PTPRQ: variants seen among roughly 807,000 people sequenced by gnomAD.
The protein encoded by PTPRQ is protein tyrosine phosphatase receptor type Q.
In PTPRQ, 199 loss-of-function variants were observed where a neutral mutation model predicts 246.0. That is an observed-to-expected ratio of 0.81 (90% CI 0.72 to 0.91). The LOEUF (loss-of-function observed/expected upper bound fraction) is 0.91, where lower values mean the gene tolerates loss of function less well. Ranked by LOEUF, PTPRQ falls within the 40% of genes least tolerant of loss-of-function variation. The pLI, the probability that PTPRQ is intolerant of heterozygous loss-of-function variation, is 0.00. For missense variants in PTPRQ, 2,624 were observed against 2,528.4 expected (o/e 1.04, Z -0.81); for synonymous variants, 869 against 853.2 (o/e 1.02, Z -0.32).
intron 9 of PTPRQ, among the ~76,000 whole-genome samples, chr12:80,486,831 C>T (rs1437005941): frequency 1.3e-5 from 2 of 152,130 alleles, no homozygotes; most frequent in Non-Finnish European, 2.9e-5. Flanking sequence ...ATATTTTTAA[C>T]CACCCTTGTG....
At position 80,588,141 on chromosome 12, in the gene PTPRQ, C is replaced by T; in HGVS notation, c.4298C>T (p.Pro1433Leu). The change falls in exon 26 of 45, where the codon CCC becomes CTC. Residue 1433 changes from proline to leucine, a missense_variant. Pro to Leu is a moderately conservative substitution (Grantham distance 98). Transcript: ENST00000644991. ...CTTTAATTTTTAGTTCCCAGTGTTCCCACAAATATTGCTTTTTCTGATGTT... is the reference window on the plus strand; with the variant it reads ...CTTTAATTTTTAGTTCCCAGTGTTCTCACAAATATTGCTTTTTCTGATGTT... ...STLPETVPSVPTNIAFSDVQS... is the reference protein window; with the variant it reads ...STLPETVPSVLTNIAFSDVQS... 1.3e-6 allele frequency: 2 copies of T among 1,524,746 alleles called. No homozygotes were observed. Among genetic ancestry groups the T allele is most frequent in the South Asian group, 1.3e-5 (1 of 79,408 alleles). 94.5% of individuals were successfully genotyped at this position (1,524,746 alleles called of 1,614,324 possible).
intron 5 of PTPRQ, 46 bp downstream of exon 5, chr12:80,459,529 A>T (rs146431508): frequency 4.9e-5 from 18 of 370,444 alleles, no homozygotes. Context: ...ATCTTAGATA[A>T]ATTTAATTTT....
chr12:80,474,031 T>A (rs959493992), intron 8 of PTPRQ, among the ~76,000 whole-genome samples: 1 of 152,226 alleles, frequency 6.6e-6, no homozygotes, highest in Admixed American at 6.5e-5. Context: ...TTGGGATAGT[T>A]CAGCCACAGG....
At chr12:80,618,360 TCACACACACA>T (rs3071377) in intron 30 of PTPRQ, among the ~76,000 whole-genome samples, 21 of 125,636 alleles carry the variant, frequency 1.7e-4, no homozygotes, top group East Asian at 7.6e-4. Context: ...AGCACTACAT[TCACACACACA>T]CACACACACA....
rs1422257114 is a variant in PTPRQ, at chr12:80,620,159, C to G, written c.5395C>G (p.His1799Asp). ...QVLVTETGAQ[H>D]DGNVTKWYDA... ...CTCTTTGTTTCTGAAAACAGCTCAG[C>G]ATGATGGAAATGTAACAAAGTGGTA... Residue 1799 changes from histidine (H) to aspartate (D), a missense_variant, in exon 32 of 45, where the codon CAT becomes GAT. Physicochemically the swap from His to Asp is moderately conservative, Grantham distance 81. Coordinates refer to ENST00000644991, the MANE Select transcript of PTPRQ (RefSeq NM_001145026.2). The G allele has an allele frequency of 4.5e-6, 7 of 1,543,648 alleles. No individual in the cohort carries two copies. The highest frequency in any genetic ancestry group is 5.2e-6 in the Non-Finnish European group (6 of 1,143,182).
chr12:80,511,617 G>A (rs1895130747), intron 17 of PTPRQ, among the ~76,000 whole-genome samples: 1 of 152,164 alleles, frequency 6.6e-6, no homozygotes, highest in African/African-American at 2.4e-5. Flanking sequence ...TTGATGGGAT[G>A]CTTCAGGAAG....
chr12:80,616,207 C>T lies in PTPRQ; in HGVS notation c.5171C>T (p.Ala1724Val), dbSNP rs778313896. The T allele has an allele frequency of 6.8e-6, 10 of 1,478,684 alleles. No individual in the cohort carries two copies. The South Asian group carries it at 7.0e-5, about 10-fold the overall frequency. 91.6% of individuals were successfully genotyped at this position (1,478,684 alleles called of 1,614,324 possible). Residue 1724 changes from alanine to valine, a missense_variant, in exon 30 of 45, where the codon GCA (alanine) becomes GTA (valine). Transcript: ENST00000644991. ...AATATTTGTTTGTTTTAGGTTTACGCAGTCAATAGTGCTGGTGCAGGTCCA... is the reference window on the plus strand; with the variant it reads ...AATATTTGTTTGTTTTAGGTTTACGTAGTCAATAGTGCTGGTGCAGGTCCA... ...GGHTYNISVYAVNSAGAGPKV... is the reference protein window; with the variant it reads ...GGHTYNISVYVVNSAGAGPKV...
chr12:80,498,641 A>G (rs1187095522), intron 14 of PTPRQ, among the ~76,000 whole-genome samples: 1 of 152,134 alleles, frequency 6.6e-6, no homozygotes, highest in Non-Finnish European at 1.5e-5. Context: ...CTGGTAAATT[A>G]TAAACTATAT....
chr12:80,454,528 A>G (rs1892905468), intron 3 of PTPRQ: 1 of 702,328 alleles, frequency 1.4e-6, no homozygotes, highest in South Asian at 1.5e-5. Flanking sequence ...GTGAGAGTAG[A>G]CATCCTACTT....
At chr12:80,487,147 A>C (rs1894303246) in intron 9 of PTPRQ, among the ~76,000 whole-genome samples, 1 of 151,494 alleles carries the variant, frequency 6.6e-6, no homozygotes, top group Admixed American at 6.6e-5. Context: ...CTTCTCTCTG[A>C]CGCTCTGGAT....
At chr12:80,505,877 T>C (rs1032137607) in intron 14 of PTPRQ, 147 bp from the exon 15 acceptor site, 6 of 956,386 alleles carry the variant, frequency 6.3e-6, no homozygotes, top group Admixed American at 7.3e-5. Flanking sequence ...AATTTATTTA[T>C]ACTTTACTTC....
intron 36 of PTPRQ, among the ~76,000 whole-genome samples, 167 bp from the exon 37 acceptor site, chr12:80,649,421 A>C (rs1220677272): frequency 6.6e-6 from 1 of 152,156 alleles, no homozygotes; most frequent in Non-Finnish European, 1.5e-5. Context: ...TTAAAGAAGA[A>C]AAGTTAATTT....
intron 1 of PTPRQ, 127 bp downstream of exon 1, chr12:80,444,526 C>A (rs559382274): frequency 1.4e-6 from 1 of 711,672 alleles, no homozygotes; most frequent in African/African-American, 1.8e-5. Context: ...GCTGTGATAA[C>A]GCAGTACGTT....
At chr12:80,550,439 C>G (rs1896440038) in intron 25 of PTPRQ, among the ~76,000 whole-genome samples, 1 of 152,146 alleles carries the variant, frequency 6.6e-6, no homozygotes, top group South Asian at 2.1e-4. Context: ...AGGCTGTAAA[C>G]CTAGAACATC....
chr12:80,616,404 G>T, intron 30 of PTPRQ, 138 bp downstream of exon 30: 1 of 712,686 alleles, frequency 1.4e-6, no homozygotes. Context: ...GTAAAAATGT[G>T]TGGTTATTAA....
intron 33 of PTPRQ, among the ~76,000 whole-genome samples, chr12:80,625,684 A>T (rs956426022): frequency 1.3e-5 from 2 of 152,180 alleles, no homozygotes; most frequent in Non-Finnish European, 2.9e-5. Context: ...GAGTCTGTGG[A>T]AGAGCAGTTT....
chr12:80,580,900 C>A (rs907069052), intron 25 of PTPRQ, among the ~76,000 whole-genome samples: 21 of 152,140 alleles, frequency 1.4e-4, no homozygotes, highest in Admixed American at 1.4e-3. Flanking sequence ...ATAACTCTTG[C>A]CTGGATTTAG....
intron 17 of PTPRQ, among the ~76,000 whole-genome samples, chr12:80,526,899 G>C (rs976879498): frequency 1.3e-5 from 2 of 151,998 alleles, no homozygotes; most frequent in African/African-American, 4.8e-5. Context: ...AATATCTTTA[G>C]TAAAGTGGAA....
intron 25 of PTPRQ, among the ~76,000 whole-genome samples, chr12:80,555,415 T>G (rs989801989): frequency 1.3e-5 from 2 of 152,156 alleles, no homozygotes; most frequent in African/African-American, 4.8e-5. Flanking sequence ...AAAATTCTTA[T>G]ATACCATTTA....
Sources: allele counts gnomAD v4.1 joint callset (sites outside exome capture counted in the v4.1 genomes callset), GRCh38; gene constraint gnomAD v4.1.1; transcripts MANE v1.5; gene names NCBI Gene and HGNC (gene_info 2026-07-23, HGNC 2026-07-21).